Variants in RASAL2 observed in about 807,000 individuals in gnomAD.
The protein encoded by RASAL2 is RAS protein activator like 2.
Under a neutral mutation model 128.9 loss-of-function variants are expected in RASAL2, and 58 were observed. The ratio of observed to expected loss-of-function variants is 0.45; its 90% confidence interval spans 0.36 to 0.56. The LOEUF is 0.56. Among genes scored for constraint, RASAL2 ranks in the 20% least tolerant of loss-of-function variants. RASAL2 has a pLI of 0.00. For missense variants in RASAL2, 1,360 were observed against 1,601.6 expected (o/e 0.85, Z 2.57); for synonymous variants, 561 against 580.8 (o/e 0.97, Z 0.49).
chr1:178,162,234 G>A lies in RASAL2; in HGVS notation c.202+67540G>A, dbSNP rs543060269. Among the ~76,000 whole-genome samples, 284 of 143,130 alleles carry A rather than the reference G, an allele frequency of 2.0e-3. 1 individual carries two copies. The highest frequency in any genetic ancestry group is 3.1e-3 in the Non-Finnish European group (205 of 66,586). 93.9% of individuals were successfully genotyped at this position (143,130 alleles called of 152,430 possible). Reference sequence around the variant, plus strand: ...CCCGCGTCGGCCTCCCAGAGTGCTGGGATTACAGGCGTGAGCCACCGCACC... The same window carrying A: ...CCCGCGTCGGCCTCCCAGAGTGCTGAGATTACAGGCGTGAGCCACCGCACC... On this transcript the variant is annotated intron_variant, in intron 1 of 17. Transcript: ENST00000367649.
intron 3 of RASAL2, among the ~76,000 whole-genome samples, chr1:178,319,116 T>C (rs950459000): frequency 8.5e-5 from 13 of 152,216 alleles, no homozygotes; most frequent in Non-Finnish European, 7.3e-5. Flanking sequence ...ATGTTGAATA[T>C]TGGCCCCCAC....
At chr1:178,180,181 G>A (rs554639985) in intron 1 of RASAL2, among the ~76,000 whole-genome samples, 5 of 152,158 alleles carry the variant, frequency 3.3e-5, no homozygotes, top group East Asian at 1.9e-4. Flanking sequence ...CATAAAGGTC[G>A]TGTATTTTAC....
chr1:178,433,016 C>A (rs1007162295), intron 5 of RASAL2, among the ~76,000 whole-genome samples: 3 of 152,028 alleles, frequency 2.0e-5, no homozygotes, highest in Admixed American at 6.6e-5. Flanking sequence ...AATTCAAATA[C>A]CCACACATGA....
intron 1 of RASAL2, among the ~76,000 whole-genome samples, chr1:178,267,016 T>G (rs1241249130): frequency 6.6e-6 from 1 of 152,126 alleles, no homozygotes; most frequent in African/African-American, 2.4e-5. Context: ...AGCTGGGCTT[T>G]CCTGCTAGAC....
chr1:178,436,557 A>G (rs1050451151), intron 5 of RASAL2, among the ~76,000 whole-genome samples: 6 of 152,092 alleles, frequency 3.9e-5, no homozygotes, highest in African/African-American at 1.4e-4. Context: ...TCAGTAAAAT[A>G]ATACCTAGAA....
At chr1:178,256,529 A>G (rs1407336582) in intron 1 of RASAL2, among the ~76,000 whole-genome samples, 1 of 152,252 alleles carries the variant, frequency 6.6e-6, no homozygotes, top group Non-Finnish European at 1.5e-5. Context: ...AAAAGCAACC[A>G]GATTGTAAAC....
intron 1 of RASAL2, among the ~76,000 whole-genome samples, chr1:178,218,328 G>A (rs1438455340): frequency 6.6e-6 from 1 of 152,146 alleles, no homozygotes; most frequent in East Asian, 1.9e-4. Flanking sequence ...CATTGTCAAT[G>A]AGCAGTAATA....
chr1:178,220,454 T>A (rs1028675892), intron 1 of RASAL2, among the ~76,000 whole-genome samples: 20 of 152,188 alleles, frequency 1.3e-4, no homozygotes, highest in African/African-American at 4.6e-4. Flanking sequence ...TTATTTATCA[T>A]AGATTACCAT....
intron 4 of RASAL2, among the ~76,000 whole-genome samples, chr1:178,406,162 C>G (rs896041874): frequency 2.0e-5 from 3 of 152,130 alleles, no homozygotes; most frequent in Non-Finnish European, 4.4e-5. Context: ...ATGTTTATGG[C>G]AACTTTATTC....
At chr1:178,332,613 CTTT>C (rs72401422) in intron 3 of RASAL2, among the ~76,000 whole-genome samples, 6 of 136,098 alleles carry the variant, frequency 4.4e-5, no homozygotes, top group Admixed American at 7.2e-5. Context: ...GTCTCCAATT[CTTT>C]TTTTTTTTTT....
chr1:178,287,991 A>T, intron 2 of RASAL2, among the ~76,000 whole-genome samples: 1 of 152,340 alleles, frequency 6.6e-6, no homozygotes, highest in South Asian at 2.1e-4. Flanking sequence ...AATAATAATT[A>T]AAAATTTAAA....
chr1:178,301,450 T>C (rs1667757383), intron 3 of RASAL2, among the ~76,000 whole-genome samples: 1 of 152,020 alleles, frequency 6.6e-6, no homozygotes, highest in East Asian at 1.9e-4. Context: ...TTTTTTTTTC[T>C]GAGACAGAGA....
chr1:178,366,206 C>CAT (rs1422892800), intron 3 of RASAL2, among the ~76,000 whole-genome samples: 2 of 151,968 alleles, frequency 1.3e-5, no homozygotes, highest in East Asian at 1.9e-4. Flanking sequence ...AGGAAAAATG[C>CAT]ATATATATAA....
intron 3 of RASAL2, among the ~76,000 whole-genome samples, chr1:178,373,016 T>C (rs1671797373): frequency 6.6e-6 from 1 of 152,108 alleles, no homozygotes; most frequent in Non-Finnish European, 1.5e-5. Flanking sequence ...AGATTAATTA[T>C]AGCCTTCAAA....
chr1:178,360,542 A>G (rs1395155270), intron 3 of RASAL2, among the ~76,000 whole-genome samples: 3 of 152,284 alleles, frequency 2.0e-5, no homozygotes, highest in East Asian at 1.9e-4. Context: ...TTTGGTGTCT[A>G]CTTAGCTCAT....
At chr1:178,192,513 A>G (rs1292319975) in intron 1 of RASAL2, among the ~76,000 whole-genome samples, 1 of 152,232 alleles carries the variant, frequency 6.6e-6, no homozygotes, top group African/African-American at 2.4e-5. Flanking sequence ...CAGCTGTTTT[A>G]GATGACACAT....
intron 12 of RASAL2, among the ~76,000 whole-genome samples, chr1:178,455,123 C>T (rs1314660194): frequency 1.3e-5 from 2 of 152,186 alleles, no homozygotes; most frequent in South Asian, 2.1e-4. Context: ...TTAGTGCTAA[C>T]AGTCATTGTT....
chr1:178,450,353 A>C (rs1050499732), intron 9 of RASAL2, among the ~76,000 whole-genome samples: 2 of 152,094 alleles, frequency 1.3e-5, no homozygotes, highest in African/African-American at 4.8e-5. Flanking sequence ...TCCAGGCCCC[A>C]CAGTCAGTTA....
intron 3 of RASAL2, among the ~76,000 whole-genome samples, chr1:178,313,780 AT>A (rs1282377340): frequency 1.3e-5 from 2 of 152,180 alleles, no homozygotes; most frequent in Admixed American, 6.5e-5. Context: ...GTCTTTTCTC[AT>A]TCTATAGTCA....
Sources: allele counts gnomAD v4.1 joint callset (sites outside exome capture counted in the v4.1 genomes callset), GRCh38; gene constraint gnomAD v4.1.1; transcripts MANE v1.5; gene names NCBI Gene and HGNC (gene_info 2026-07-23, HGNC 2026-07-21).